Variants in SSH2 observed in about 807,000 individuals in gnomAD.
The protein encoded by SSH2 is slingshot protein phosphatase 2.
A neutral mutation model predicts 135.2 loss-of-function variants in SSH2; 37 were observed. The ratio of observed to expected loss-of-function variants is 0.27; its 90% CI spans 0.21 to 0.36. The LOEUF (loss-of-function observed/expected upper bound fraction) is 0.36. Among genes scored for constraint, SSH2 ranks in the 10% least tolerant of loss-of-function variants. The pLI is 1.00. For synonymous variants in SSH2, 628 were observed against 646.2 expected (o/e 0.97, Z 0.43); for missense variants, 1,408 against 1,765.3 (o/e 0.80, Z 3.63).
intron 1 of SSH2, among the ~76,000 whole-genome samples, chr17:29,876,072 C>A (rs973813456): frequency 7.2e-6 from 1 of 139,432 alleles, no homozygotes; most frequent in African/African-American, 2.7e-5. Context: ...ATACACAAAG[C>A]AATCTACACA....
chr17:29,711,385 A>G (rs543631999), intron 3 of SSH2, among the ~76,000 whole-genome samples: 7 of 152,354 alleles, frequency 4.6e-5, no homozygotes, highest in Admixed American at 4.6e-4. Context: ...ACAAAAAACC[A>G]AAATTACTTG....
chr17:29,900,274 A>T (rs1174651015), intron 1 of SSH2, among the ~76,000 whole-genome samples: 2 of 151,380 alleles, frequency 1.3e-5, no homozygotes, highest in African/African-American at 4.9e-5. Context: ...AAGCCAAAAT[A>T]GACAAATGGG....
chr17:29,648,184 T>G lies in SSH2; in HGVS notation c.1387A>C (p.Met463Leu). 1 of 1,614,172 alleles carries G rather than the reference T, an allele frequency of 6.2e-7. No individual in the cohort carries two copies. Among genetic ancestry groups the G allele is most frequent in the Non-Finnish European group, 8.5e-7 (1 of 1,180,044 alleles). The change falls in exon 14 of 16, where the codon ATG becomes CTG. Residue 463 changes from methionine to leucine, a missense_variant. Transcript: ENST00000540801. ...RTVTKPNPSFMRQLEEYQGIL... is the reference protein window; with the variant it reads ...RTVTKPNPSFLRQLEEYQGIL... ...CCCTGATACTCTTCCAGTTGTCTCATGAAGCTTGGGTTGGGCTTGGTTACC... is the reference window on the plus strand; with the variant it reads ...CCCTGATACTCTTCCAGTTGTCTCAGGAAGCTTGGGTTGGGCTTGGTTACC...
At chr17:29,760,891 A>T (rs774366113) in intron 3 of SSH2, among the ~76,000 whole-genome samples, 7 of 152,190 alleles carry the variant, frequency 4.6e-5, no homozygotes, top group Non-Finnish European at 8.8e-5. Flanking sequence ...GCACTTTCAA[A>T]GTCCCTCAAA....
chr17:29,775,288 CTTTTT>C (rs556652594), intron 3 of SSH2, among the ~76,000 whole-genome samples: 4 of 134,148 alleles, frequency 3.0e-5, no homozygotes, highest in Admixed American at 7.6e-5. Flanking sequence ...TCCTTCTTTC[CTTTTT>C]TTTTTTTTTT....
At chr17:29,724,310 C>T (rs888541972) in intron 3 of SSH2, among the ~76,000 whole-genome samples, 8 of 152,090 alleles carry the variant, frequency 5.3e-5, no homozygotes. Flanking sequence ...GGGTGGATGG[C>T]CTGAGGTCGG....
At chr17:29,792,209 G>C (rs907964396) in intron 3 of SSH2, among the ~76,000 whole-genome samples, 14 of 151,724 alleles carry the variant, frequency 9.2e-5, no homozygotes, top group Admixed American at 6.6e-5. Flanking sequence ...GGCCTTTATA[G>C]TTCTTAATGG....
At chr17:29,927,968 T>A (rs1173089506) in intron 1 of SSH2, among the ~76,000 whole-genome samples, 4 of 152,366 alleles carry the variant, frequency 2.6e-5, no homozygotes, top group African/African-American at 9.6e-5. Context: ...AAGTTTTGGC[T>A]AATGAAGTCA....
At chr17:29,864,376 G>A (rs1344667642) in intron 1 of SSH2, 3 of 151,528 alleles carry the variant, frequency 2.0e-5, no homozygotes, top group Non-Finnish European at 4.4e-5. Flanking sequence ...AACCCAGTAA[G>A]GTTACACACT....
intron 5 of SSH2, among the ~76,000 whole-genome samples, chr17:29,689,024 G>A (rs1298439164): frequency 7.9e-5 from 12 of 152,094 alleles, no homozygotes; most frequent in Admixed American, 7.2e-4. Context: ...TGGGTGTGGT[G>A]GCATGTGTCT....
At chr17:29,754,302 T>A (rs2041046117) in intron 3 of SSH2, among the ~76,000 whole-genome samples, 1 of 152,166 alleles carries the variant, frequency 6.6e-6, no homozygotes, top group Non-Finnish European at 1.5e-5. Flanking sequence ...GATGCAAGCT[T>A]AAGTTTGGAG....
intron 2 of SSH2, among the ~76,000 whole-genome samples, chr17:29,801,562 A>G (rs553154263): frequency 6.6e-6 from 1 of 152,296 alleles, no homozygotes; most frequent in East Asian, 1.9e-4. Flanking sequence ...CATTTCTTTT[A>G]TCACCTGACT....
intron 3 of SSH2, among the ~76,000 whole-genome samples, chr17:29,771,711 A>G (rs1567964258): frequency 1.3e-5 from 2 of 152,306 alleles, no homozygotes; most frequent in Middle Eastern, 3.4e-3. Context: ...TCAGGAGCCA[A>G]AAGTTCAAAT....
intron 1 of SSH2, among the ~76,000 whole-genome samples, chr17:29,897,288 C>A (rs1051089746): frequency 3.9e-5 from 6 of 152,028 alleles, no homozygotes; most frequent in Non-Finnish European, 4.4e-5. Flanking sequence ...ACAACATTAA[C>A]CTTAAACGTA....
chr17:29,929,828 G>C (rs1597535211), intron 1 of SSH2, 110 bp downstream of exon 1: 1 of 1,036,912 alleles, frequency 9.6e-7, no homozygotes, highest in Non-Finnish European at 1.4e-6. Context: ...CGAGTGCCAA[G>C]GCCTGGGAAG....
intron 1 of SSH2, among the ~76,000 whole-genome samples, chr17:29,898,069 T>A (rs1268334615): frequency 6.6e-6 from 1 of 152,138 alleles, no homozygotes; most frequent in Non-Finnish European, 1.5e-5. Flanking sequence ...AAAGATGTTC[T>A]TTGAAACCAA....
intron 3 of SSH2, among the ~76,000 whole-genome samples, chr17:29,759,276 T>C (rs2041219297): frequency 6.6e-6 from 1 of 151,734 alleles, no homozygotes; most frequent in Non-Finnish European, 1.5e-5. Flanking sequence ...GCTCAAGCAA[T>C]CCTCCCACCT....
chr17:29,643,043 A>G, intron 14 of SSH2: 1 of 810,856 alleles, frequency 1.2e-6, no homozygotes, highest in Non-Finnish European at 1.5e-6. Context: ...TGGACAGGAA[A>G]TGGACTTTCT....
intron 1 of SSH2, among the ~76,000 whole-genome samples, chr17:29,903,359 C>T: frequency 6.7e-6 from 1 of 150,182 alleles, no homozygotes; most frequent in East Asian, 1.9e-4. Flanking sequence ...TAAAAGTGTT[C>T]CCTTCAAATA....
Sources: allele counts gnomAD v4.1 joint callset (sites outside exome capture counted in the v4.1 genomes callset), GRCh38; gene constraint gnomAD v4.1.1; transcripts MANE v1.5; gene names NCBI Gene and HGNC (gene_info 2026-07-23, HGNC 2026-07-21).